Variants in ARHGEF10 observed in about 807,000 individuals in gnomAD.
The protein encoded by ARHGEF10 is Rho guanine nucleotide exchange factor 10.
A neutral mutation model predicts 147.4 loss-of-function variants in ARHGEF10; 140 were observed. That is an observed-to-expected ratio of 0.95 (90% CI 0.83 to 1.09). The LOEUF (loss-of-function observed/expected upper bound fraction) is 1.09. Ranked by LOEUF, ARHGEF10 falls within the 50% of genes least tolerant of loss-of-function variation. The probability of loss-of-function intolerance (pLI) is 0.00; values close to 1 mark genes in which losing one functional copy is unlikely to be tolerated. For synonymous variants in ARHGEF10, 902 were observed against 695.8 expected, an observed-to-expected ratio of 1.30 and a Z score of -4.67; for missense variants, 2,222 against 1,752.7, an observed-to-expected ratio of 1.27 and a Z score of -4.78.
Position 1,825,904 on chromosome 8 carries a change from C to CAA in ARHGEF10, c.-48+1792_-48+1793dup. 5.0e-6 allele frequency: 3 copies of CAA among 603,280 alleles called. No individual in the cohort carries two copies. The South Asian group carries it at 6.1e-5, about 12-fold the overall frequency. 37.4% of individuals were successfully genotyped at this position (603,280 alleles called of 1,614,324 possible). ...ATGGGTGGAATGCTGCAAGGAGGAA[C>CAA]AATTTCACTGTTGCTGATTAATAAT... On this transcript the variant is annotated intron_variant, in intron 1 of 28. Transcript: ENST00000349830.
chr8:1,917,375 G>A (rs73671052), intron 18 of ARHGEF10, among the ~76,000 whole-genome samples: 3,477 of 152,248 alleles, frequency 0.023, 125 homozygotes, highest in African/African-American at 0.079. Context: ...CTGACGTCTC[G>A]GTCTCACATC....
intron 1 of ARHGEF10, among the ~76,000 whole-genome samples, chr8:1,828,453 T>G (rs562129821): frequency 6.3e-4 from 93 of 147,042 alleles, no homozygotes; most frequent in African/African-American, 2.2e-3. Flanking sequence ...GCACACTTAC[T>G]GTTTTAAGGA....
At chr8:1,956,344 C>G (rs1000865439) in intron 28 of ARHGEF10, among the ~76,000 whole-genome samples, 1 of 152,126 alleles carries the variant, frequency 6.6e-6, no homozygotes, top group East Asian at 1.9e-4. Context: ...ATTTCTTTCC[C>G]AAACCAACAC....
At chr8:1,877,731 G>GT (rs1448000567) in intron 8 of ARHGEF10, among the ~76,000 whole-genome samples, 1 of 151,266 alleles carries the variant, frequency 6.6e-6, no homozygotes, top group Non-Finnish European at 1.5e-5. Context: ...TTTTGTTAGA[G>GT]TTTTTTTTGA....
intron 16 of ARHGEF10, among the ~76,000 whole-genome samples, chr8:1,904,822 G>C (rs1002662658): frequency 1.4e-5 from 2 of 141,872 alleles, no homozygotes; most frequent in Non-Finnish European, 3.2e-5. Flanking sequence ...CTTGTGGGCT[G>C]AGTTGTTATA....
chr8:1,855,075 C>G (rs1367570917), intron 2 of ARHGEF10, among the ~76,000 whole-genome samples: 4 of 151,920 alleles, frequency 2.6e-5, no homozygotes, highest in African/African-American at 9.7e-5. Flanking sequence ...TTCCTGAAGA[C>G]TTTAAAGAGA....
At position 1,877,784 on chromosome 8, in the gene ARHGEF10, C is replaced by G. The variant is rs78588101; in HGVS notation, c.843+1050C>G. On this transcript the variant is annotated intron_variant, in intron 8 of 28. Coordinates refer to ENST00000349830, the MANE Select transcript of ARHGEF10 (RefSeq NM_014629.4). ...GATTTGTGCTCATCTACAGTGATGT[C>G]TGTGTACTTTCTGTGTGAGGCTGAG... is the stretch of plus-strand genomic sequence containing the variant. Among the ~76,000 whole-genome samples the G allele has an allele frequency of 5.5e-3, 839 of 151,926 alleles. 6 individuals carry two copies. The highest frequency in any genetic ancestry group is 0.019 in the African/African-American group (777 of 41,380).
At chr8:1,896,273 T>C in intron 13 of ARHGEF10, 60 bp from the exon 14 acceptor site, 1 of 1,202,620 alleles carries the variant, frequency 8.3e-7, no homozygotes, top group East Asian at 2.3e-5. Flanking sequence ...TTCTGTTTTA[T>C]GTTGGAAAAG....
chr8:1,908,561 G>C (rs977328417), intron 17 of ARHGEF10, among the ~76,000 whole-genome samples: 1 of 152,124 alleles, frequency 6.6e-6, no homozygotes, highest in Non-Finnish European at 1.5e-5. Flanking sequence ...GCAATATCTT[G>C]AAGAAAAGCA....
In ARHGEF10 at chr8:1,879,093, T is replaced by C. The variant is rs1031267308; in HGVS notation, c.844-955T>C. ...ACGACCAAAATAAAACTATATGTTG[T>C]TCAAAAGTCATCTCAAAAAATCTCG... On this transcript the variant is annotated intron_variant, in intron 8 of 28. Transcript: ENST00000349830. Among the ~76,000 whole-genome samples the C allele has an allele frequency of 1.1e-4, 16 of 152,240 alleles. 1 individual carries two copies. The highest frequency in any genetic ancestry group is 2.9e-5 in the Non-Finnish European group (2 of 68,040).
chr8:1,944,963 C>T (rs930892311), intron 26 of ARHGEF10, among the ~76,000 whole-genome samples: 1 of 152,274 alleles, frequency 6.6e-6, no homozygotes, highest in Non-Finnish European at 1.5e-5. Context: ...ACTTTCGGAG[C>T]TGCGGGGCTG....
chr8:1,913,597 T>C (rs1024376641), intron 18 of ARHGEF10, among the ~76,000 whole-genome samples: 11 of 152,332 alleles, frequency 7.2e-5, no homozygotes, highest in African/African-American at 1.9e-4. Context: ...TGGACCAGCA[T>C]CTACCTGGTC....
chr8:1,901,719 C>T (rs988594000), intron 15 of ARHGEF10, among the ~76,000 whole-genome samples: 10 of 152,220 alleles, frequency 6.6e-5, no homozygotes, highest in Admixed American at 1.3e-4. Flanking sequence ...CACGCCTAGT[C>T]CCCGGTGCCA....
chr8:1,890,382 T>G (rs1278339418), intron 11 of ARHGEF10, among the ~76,000 whole-genome samples: 1 of 147,578 alleles, frequency 6.8e-6, no homozygotes, highest in Non-Finnish European at 1.5e-5. Flanking sequence ...GAGGAGTCTG[T>G]GAGGAGACAC....
At chr8:1,834,869 G>A (rs893655905) in intron 1 of ARHGEF10, among the ~76,000 whole-genome samples, 2 of 152,250 alleles carry the variant, frequency 1.3e-5, no homozygotes, top group African/African-American at 2.4e-5. Flanking sequence ...GGGGTGGGAT[G>A]TCCAGAGACC....
rs915718990 is a variant in ARHGEF10 at position 1,876,619 on chromosome 8, G to T, written c.728G>T (p.Ser243Ile). 6.2e-7 allele frequency: 1 copy of T among 1,614,230 alleles called. No individual in the cohort carries two copies. The highest frequency in any genetic ancestry group is 8.5e-7 in the Non-Finnish European group (1 of 1,180,020). Residue 243 changes from serine to isoleucine, a missense_variant, in exon 8 of 29, where the codon AGC becomes ATC. Ser to Ile is a moderately radical substitution (Grantham distance 142, BLOSUM62 -2). Coordinates refer to ENST00000349830, the MANE Select transcript of ARHGEF10 (RefSeq NM_014629.4). ...GAGAATGGGGATGAAGGTGGAAACA[G>T]CTCCTTGGAATACGGATGGAGTTCG... is the stretch of plus-strand genomic sequence containing the variant. ...DVENGDEGGN[S>I]SLEYGWSSSE...
intron 17 of ARHGEF10, among the ~76,000 whole-genome samples, chr8:1,908,946 C>G (rs1563269490): frequency 6.6e-6 from 1 of 152,194 alleles, no homozygotes; most frequent in Non-Finnish European, 1.5e-5. Flanking sequence ...CAGAGAATAT[C>G]TCTATCCACA....
chr8:1,899,761 A>G (rs950588681), intron 15 of ARHGEF10, among the ~76,000 whole-genome samples: 18 of 152,376 alleles, frequency 1.2e-4, no homozygotes, highest in African/African-American at 4.1e-4. Flanking sequence ...ACAAATATGT[A>G]CTGAGTTCTA....
At chr8:1,871,590 C>A (rs1036605190) in intron 7 of ARHGEF10, among the ~76,000 whole-genome samples, 6 of 152,030 alleles carry the variant, frequency 3.9e-5, no homozygotes, top group Admixed American at 3.3e-4. Flanking sequence ...GAGGCCGAGC[C>A]GGGTGGATCA....
Sources: allele counts gnomAD v4.1 joint callset (sites outside exome capture counted in the v4.1 genomes callset), GRCh38; gene constraint gnomAD v4.1.1; transcripts MANE v1.5; gene names NCBI Gene and HGNC (gene_info 2026-07-23, HGNC 2026-07-21).